Variants in LDB2 observed in about 807,000 individuals in gnomAD.
The protein encoded by LDB2 is LIM domain binding 2, also known as LIM domain-binding protein 2.
LDB2 carries 12 observed loss-of-function variants against 44.3 expected under a neutral mutation model. The ratio of observed to expected loss-of-function variants is 0.27; its 90% CI spans 0.17 to 0.44. The LOEUF (loss-of-function observed/expected upper bound fraction) is 0.44, where lower values mean the gene tolerates loss of function less well. LDB2 is among the 20% of genes least tolerant of loss of function. LDB2 has a pLI of 1.00. For synonymous variants in LDB2, 164 were observed against 174.8 expected, an observed-to-expected ratio of 0.94 and a Z score of 0.49; for missense variants, 344 against 473.5, an observed-to-expected ratio of 0.73 and a Z score of 2.54.
chr4:16,677,793 C>G lies in LDB2; in HGVS notation c.235+81365G>C, dbSNP rs1746700465. The stretch of plus-strand genomic sequence containing the variant: ...GATAAACTGAAACTGTTCAGCCAAG[C>G]CAGGACATGTGTTTCCATTTCATAC... On this transcript the variant is annotated intron_variant, in intron 2 of 7. Transcript: ENST00000304523. Among the ~76,000 whole-genome samples, 3 of 152,306 alleles carry G rather than the reference C, an allele frequency of 2.0e-5. No homozygotes were observed. In the South Asian group the frequency reaches 6.2e-4, roughly 32 times the overall value.
chr4:16,663,638 C>T (rs547025449), intron 2 of LDB2, among the ~76,000 whole-genome samples: 2 of 152,294 alleles, frequency 1.3e-5, no homozygotes, highest in Admixed American at 6.5e-5. Flanking sequence ...ACGTTTGTGT[C>T]CTTGGTGTTG....
intron 2 of LDB2, among the ~76,000 whole-genome samples, chr4:16,704,280 C>T (rs1754124180): frequency 6.6e-6 from 1 of 152,120 alleles, no homozygotes; most frequent in South Asian, 2.1e-4. Context: ...CACTAGATTC[C>T]CTTTTGTTTA....
chr4:16,570,070 CAAGTT>C (rs1237205187), intron 5 of LDB2, among the ~76,000 whole-genome samples: 2 of 152,250 alleles, frequency 1.3e-5, no homozygotes, highest in African/African-American at 4.8e-5. Flanking sequence ...GAGCACATCT[CAAGTT>C]GAGTAGAATT....
chr4:16,696,070 C>T (rs1263529512), intron 2 of LDB2, among the ~76,000 whole-genome samples: 1 of 152,096 alleles, frequency 6.6e-6, no homozygotes, highest in African/African-American at 2.4e-5. Flanking sequence ...ACAGAGTAGG[C>T]AATGAAAGTG....
At chr4:16,873,489 T>A (rs750022420) in intron 1 of LDB2, among the ~76,000 whole-genome samples, 2 of 150,112 alleles carry the variant, frequency 1.3e-5, no homozygotes, top group Non-Finnish European at 2.9e-5. Context: ...TATTCACCAG[T>A]TGATCTTATG....
intron 2 of LDB2, among the ~76,000 whole-genome samples, chr4:16,716,432 AG>A (rs1245749690): frequency 2.0e-5 from 3 of 152,236 alleles, no homozygotes; most frequent in African/African-American, 7.2e-5. Flanking sequence ...GGAGGTTTGT[AG>A]AAGGCTCTGA....
chr4:16,738,164 C>G (rs1561049000), intron 2 of LDB2, among the ~76,000 whole-genome samples: 1 of 152,130 alleles, frequency 6.6e-6, no homozygotes, highest in South Asian at 2.1e-4. Flanking sequence ...GATATCAACA[C>G]CTGATGTGGT....
At chr4:16,633,077 T>C (rs372172301) in intron 2 of LDB2, among the ~76,000 whole-genome samples, 3 of 152,120 alleles carry the variant, frequency 2.0e-5, no homozygotes, top group African/African-American at 4.8e-5. Flanking sequence ...GAAAATGTGG[T>C]ACATATACAC....
chr4:16,638,549 AG>A (rs1734244408), intron 2 of LDB2, among the ~76,000 whole-genome samples: 1 of 152,204 alleles, frequency 6.6e-6, no homozygotes, highest in Admixed American at 6.5e-5. Flanking sequence ...AATGAAATGG[AG>A]ATAGGCACAC....
chr4:16,579,301 C>T (rs549865821), intron 5 of LDB2, among the ~76,000 whole-genome samples: 1 of 152,188 alleles, frequency 6.6e-6, no homozygotes, highest in South Asian at 2.1e-4. Flanking sequence ...TAAATATATA[C>T]ACCTACTATG....
At position 16,868,013 on chromosome 4, in the gene LDB2, G is replaced by A. The variant is rs531437719; in HGVS notation, c.132+30341C>T. On this transcript the variant is annotated intron_variant, in intron 1 of 7. Transcript: ENST00000304523. ...AGACCTCTCAAATTACCAAAGCCCA[G>A]AAAGATTGTCATTATAAAGCCCTAC... 1.7e-4 allele frequency among the ~76,000 whole-genome samples: 26 copies of A among 152,248 alleles called. No individual in the cohort carries two copies. In the South Asian group the frequency reaches 4.6e-3, roughly 27 times the overall value.
intron 5 of LDB2, among the ~76,000 whole-genome samples, chr4:16,571,387 C>T (rs1438036904): frequency 6.6e-6 from 1 of 151,948 alleles, no homozygotes; most frequent in Non-Finnish European, 1.5e-5. Flanking sequence ...GGTTTTTGAT[C>T]CCATTATGCT....
At chr4:16,881,037 C>A (rs567080419) in intron 1 of LDB2, among the ~76,000 whole-genome samples, 1 of 152,244 alleles carries the variant, frequency 6.6e-6, no homozygotes, top group South Asian at 2.1e-4. Context: ...GATACTGGTC[C>A]CACAGTTGAA....
intron 1 of LDB2, among the ~76,000 whole-genome samples, chr4:16,868,621 T>C (rs942176581): frequency 6.6e-6 from 1 of 152,210 alleles, no homozygotes. Context: ...TCTCTCCTCC[T>C]CTTTCACCCA....
At chr4:16,602,888 C>T (rs1234036905) in intron 2 of LDB2, among the ~76,000 whole-genome samples, 2 of 152,064 alleles carry the variant, frequency 1.3e-5, no homozygotes, top group Non-Finnish European at 2.9e-5. Context: ...TGTCATGGCT[C>T]CATCTTGTCT....
At chr4:16,587,674 A>G (rs1489404645) in intron 4 of LDB2, among the ~76,000 whole-genome samples, 5 of 152,162 alleles carry the variant, frequency 3.3e-5, no homozygotes, top group Non-Finnish European at 5.9e-5. Flanking sequence ...GTGGCTGACA[A>G]CTAATGCGTG....
At chr4:16,757,512 G>A (rs1254016343) in intron 2 of LDB2, among the ~76,000 whole-genome samples, 1 of 152,132 alleles carries the variant, frequency 6.6e-6, no homozygotes, top group Non-Finnish European at 1.5e-5. Flanking sequence ...TGTTGTATTA[G>A]GACATATTTT....
At chr4:16,870,599 A>T (rs1463342291) in intron 1 of LDB2, among the ~76,000 whole-genome samples, 1 of 151,556 alleles carries the variant, frequency 6.6e-6, no homozygotes, top group Non-Finnish European at 1.5e-5. Context: ...TCCACTCCAT[A>T]CCCACAACAC....
chr4:16,568,921 A>G (rs568344590), intron 5 of LDB2, among the ~76,000 whole-genome samples: 2 of 152,340 alleles, frequency 1.3e-5, no homozygotes, highest in East Asian at 3.9e-4. Context: ...TTTCGCAGGC[A>G]AGGTTTTATC....
Sources: allele counts gnomAD v4.1 joint callset (sites outside exome capture counted in the v4.1 genomes callset), GRCh38; gene constraint gnomAD v4.1.1; transcripts MANE v1.5; gene names NCBI Gene and HGNC (gene_info 2026-07-23, HGNC 2026-07-21).